NQO2: variants seen among roughly 807,000 people sequenced by gnomAD.
NQO2 encodes the protein N-ribosyldihydronicotinamide:quinone dehydrogenase 2, also known as ribosyldihydronicotinamide dehydrogenase [quinone].
NQO2 carries 18 observed loss-of-function variants against 22.0 expected under a neutral mutation model. The ratio of observed to expected loss-of-function variants is 0.82; its 90% confidence interval spans 0.56 to 1.21. The LOEUF is 1.21. Among genes scored for constraint, NQO2 ranks in the 50% most tolerant of loss-of-function variants. The pLI is 0.00. For missense variants in NQO2, 267 were observed against 286.9 expected, an observed-to-expected ratio of 0.93 and a Z score of 0.50; for synonymous variants, 106 against 110.8, an observed-to-expected ratio of 0.96 and a Z score of 0.28.
chr6:3,002,180 G>A (rs1451056332), intron 1 of NQO2: 2 of 985,020 alleles, frequency 2.0e-6, no homozygotes, highest in African/African-American at 3.5e-5. Context: ...GTCTAGAGGA[G>A]TGAAAATGAA....
intron 4 of NQO2, 33 bp downstream of exon 4, chr6:3,012,707 G>A (rs1467336543): frequency 1.3e-6 from 2 of 1,596,422 alleles, no homozygotes; most frequent in Non-Finnish European, 1.7e-6. Flanking sequence ...TATTGAATCA[G>A]ATTCATCTTA....
At chr6:3,008,709 C>T (rs1561712653) in intron 2 of NQO2, among the ~76,000 whole-genome samples, 1 of 152,146 alleles carries the variant, frequency 6.6e-6, no homozygotes, top group Non-Finnish European at 1.5e-5. Flanking sequence ...TCCTAAGTGT[C>T]GGCCGGTCTG....
chr6:3,006,874 C>A lies in NQO2; in HGVS notation c.7+315C>A. The A allele has an allele frequency of 2.4e-6, 1 of 423,294 alleles. No homozygotes were observed. The highest frequency in any genetic ancestry group is 4.2e-6 in the Non-Finnish European group (1 of 240,578). 26.2% of individuals were successfully genotyped at this position (423,294 alleles called of 1,614,324 possible). A position where few individuals can be genotyped will look rare whatever the true frequency, so the allele number is the denominator to read the frequency against. On this transcript the variant is annotated intron_variant, in intron 2 of 6. Transcript: ENST00000380455. The surrounding 1 kb of genome is among the most constrained non-coding windows in gnomAD (Gnocchi z 4.0). ...TCCTGTCTTTGCTGTGCCTCCAGGC[C>A]CTGAAATTCTCCCTGGGCTGTAGCA...
Position 3,019,575 on chromosome 6 carries a change from G to C in NQO2, c.616G>C (p.Ala206Pro). The C allele has an allele frequency of 1.9e-6, 3 of 1,614,176 alleles. No homozygotes were observed. Among genetic ancestry groups the C allele is most frequent in the Non-Finnish European group, 2.5e-6 (3 of 1,180,046 alleles). ...CGAAGAAGAAAGAAAGGGGATGGTG[G>C]CTGCGTGGTCCCAGAGGCTGCAGAC... is the stretch of plus-strand genomic sequence containing the variant. ...ASEEERKGMV[A>P]AWSQRLQTIW... The change falls in exon 7 of 7, where the codon GCT becomes CCT. Residue 206 changes from alanine (A) to proline (P), a missense_variant. Transcript: ENST00000380455.
At chr6:3,008,016 G>T (rs1757005446) in intron 2 of NQO2, among the ~76,000 whole-genome samples, 1 of 152,216 alleles carries the variant, frequency 6.6e-6, no homozygotes, top group Admixed American at 6.5e-5. Flanking sequence ...TTTAGTGGTG[G>T]TATTTTTGAG....
intron 4 of NQO2, among the ~76,000 whole-genome samples, chr6:3,013,165 C>A (rs1757207620): frequency 6.6e-6 from 1 of 151,958 alleles, no homozygotes; most frequent in South Asian, 2.1e-4. Flanking sequence ...CCGTGTTAGC[C>A]AGGATGGTCT....
At chr6:3,015,921 G>C (rs1458712685) in intron 5 of NQO2, among the ~76,000 whole-genome samples, 3 of 152,168 alleles carry the variant, frequency 2.0e-5, no homozygotes, top group Non-Finnish European at 4.4e-5. Context: ...CGGGGGACCT[G>C]GGCAACCTTA....
intron 6 of NQO2, among the ~76,000 whole-genome samples, chr6:3,017,819 G>A (rs1159841658): frequency 2.6e-5 from 4 of 152,184 alleles, no homozygotes; most frequent in Non-Finnish European, 5.9e-5. Flanking sequence ...GCTCGTTCTT[G>A]AGGGGTAGGG....
At chr6:3,014,366 T>C (rs1310234289) in intron 4 of NQO2, among the ~76,000 whole-genome samples, 2 of 152,140 alleles carry the variant, frequency 1.3e-5, no homozygotes, top group Non-Finnish European at 2.9e-5. Flanking sequence ...TAGGTGACCA[T>C]GTGGTTTACC....
At chr6:3,005,706 G>T in intron 1 of NQO2, 4 of 985,358 alleles carry the variant, frequency 4.1e-6, no homozygotes, top group Non-Finnish European at 4.8e-6. Flanking sequence ...GGCCAGGAGG[G>T]GGTGAGGCCA....
chr6:3,017,885 A>C (rs1289484837), intron 6 of NQO2, among the ~76,000 whole-genome samples: 1 of 152,134 alleles, frequency 6.6e-6, no homozygotes, highest in Non-Finnish European at 1.5e-5. Context: ...CTCTAGGTGC[A>C]CGTGCCTTGC....
Position 3,006,061 on chromosome 6 carries a change from C to T in NQO2, c.-85-407C>T, listed in dbSNP as rs1756940267. ...CCGACAACTGCCAGTGCTGGCCCAC[C>T]AGAGTCTGGCACCAGCCGAGGAGTG... On this transcript the variant is annotated intron_variant, in intron 1 of 6. Transcript: ENST00000380455. This position sits in a 1 kb window ranked among gnomAD's most constrained non-coding sequence, Gnocchi z 4.0. Among the ~76,000 whole-genome samples the T allele has an allele frequency of 6.6e-6, 1 of 152,202 alleles. No homozygotes were observed. Among genetic ancestry groups the T allele is most frequent in the African/African-American group, 2.4e-5 (1 of 41,450 alleles).
chr6:3,014,665 G>C (rs974629886), intron 4 of NQO2, among the ~76,000 whole-genome samples: 2 of 152,096 alleles, frequency 1.3e-5, no homozygotes, highest in African/African-American at 4.8e-5. Flanking sequence ...TGCATTATAA[G>C]TTATTCTTTT....
At chr6:3,016,330 C>T (rs181819162) in intron 5 of NQO2, among the ~76,000 whole-genome samples, 9 of 150,650 alleles carry the variant, frequency 6.0e-5, no homozygotes, top group African/African-American at 2.2e-4. Context: ...ACTTGGGAGG[C>T]CGAGGCAGGA....
In NQO2 at chr6:3,013,089, G is replaced by T. The variant is rs1415514718; in HGVS notation, c.303+415G>T. On this transcript the variant is annotated intron_variant, in intron 4 of 6. Coordinates refer to ENST00000380455, the MANE Select transcript of NQO2 (RefSeq NM_000904.6). ...TCCCGCCTCAGCCTCCCGAGTAGCT[G>T]GGACTACAGGCGCCCGCCACCACGC... Among the ~76,000 whole-genome samples the T allele has an allele frequency of 2.6e-5, 4 of 151,078 alleles. No homozygotes were observed. The South Asian group carries it at 8.4e-4, about 32-fold the overall frequency.
intron 3 of NQO2, 37 bp downstream of exon 3, chr6:3,010,226 A>C: frequency 6.8e-7 from 1 of 1,481,384 alleles, no homozygotes; most frequent in Non-Finnish European, 9.1e-7. Context: ...TATAAAAACC[A>C]TCTTTATGTT....
At chr6:3,003,159 C>T (rs1483252913) in intron 1 of NQO2, among the ~76,000 whole-genome samples, 5 of 152,208 alleles carry the variant, frequency 3.3e-5, no homozygotes, top group East Asian at 1.9e-4. Flanking sequence ...GATGAAGTCA[C>T]TCACTCTCCT....
chr6:3,012,651 G>A lies in NQO2; in HGVS notation c.280G>A (p.Glu94Lys). 6.2e-7 allele frequency: 1 copy of A among 1,613,956 alleles called. No individual in the cohort carries two copies. Among genetic ancestry groups the A allele is most frequent in the East Asian group, 2.2e-5 (1 of 44,874 alleles). ...CACTGATGAGCAGAAAAAGGTTCGG[G>A]AGGCTGACCTAGTGATATTTCAGGT... Reference protein sequence around the residue: ...DITDEQKKVREADLVIFQFPL... With the variant: ...DITDEQKKVRKADLVIFQFPL... Residue 94 changes from glutamate (E) to lysine (K), a missense_variant, in exon 4 of 7, where the codon GAG becomes AAG. Glu to Lys is a moderately conservative substitution (Grantham distance 56, BLOSUM62 1). Coordinates refer to ENST00000380455, the MANE Select transcript of NQO2 (RefSeq NM_000904.6).
At chr6:3,005,364 C>A (rs566842846) in intron 1 of NQO2, among the ~76,000 whole-genome samples, 2 of 152,198 alleles carry the variant, frequency 1.3e-5, no homozygotes, top group African/African-American at 4.8e-5. Flanking sequence ...CTTTCCCCAG[C>A]GGTGCACGGG....
Sources: allele counts gnomAD v4.1 joint callset (sites outside exome capture counted in the v4.1 genomes callset), GRCh38; gene constraint gnomAD v4.1.1; non-coding constraint Gnocchi (gnomAD v3.1); transcripts MANE v1.5; gene names NCBI Gene and HGNC (gene_info 2026-07-23, HGNC 2026-07-21).